HNRNPLL: variants seen among roughly 807,000 people sequenced by gnomAD.
The protein encoded by HNRNPLL is heterogeneous nuclear ribonucleoprotein L like.
In HNRNPLL, 25 loss-of-function variants were observed where a neutral mutation model predicts 67.1. The observed-to-expected ratio is 0.37, with a 90% CI of 0.27 to 0.52. HNRNPLL has a LOEUF of 0.52. Ranked by LOEUF, HNRNPLL falls within the 20% of genes least tolerant of loss-of-function variation. HNRNPLL has a pLI of 0.90. For synonymous variants in HNRNPLL, 267 were observed against 241.7 expected, an observed-to-expected ratio of 1.10 and a Z score of -0.97; for missense variants, 542 against 673.9, an observed-to-expected ratio of 0.80 and a Z score of 2.17.
chr2:38,588,614 T>C (rs991456350), intron 2 of HNRNPLL, among the ~76,000 whole-genome samples: 1 of 148,392 alleles, frequency 6.7e-6, no homozygotes, highest in Non-Finnish European at 1.5e-5. Context: ...CCCAGAAAAG[T>C]AGCATCAATG....
intron 1 of HNRNPLL, chr2:38,601,991 G>C (rs1296339307): frequency 5.5e-6 from 1 of 183,112 alleles, no homozygotes; most frequent in Non-Finnish European, 1.1e-5. Flanking sequence ...GGCGGAGAGA[G>C]CTCCCGGTAG....
intron 4 of HNRNPLL, among the ~76,000 whole-genome samples, chr2:38,583,325 T>C (rs1666608133): frequency 6.6e-6 from 1 of 152,132 alleles, no homozygotes; most frequent in Non-Finnish European, 1.5e-5. Context: ...CATGCACACG[T>C]AGGTTGGGGT....
In HNRNPLL at chr2:38,582,057, GA is replaced by G. The variant is rs770144381; in HGVS notation, c.729+14del. 2 of 1,606,964 alleles carry G rather than the reference GA, an allele frequency of 1.2e-6. No homozygotes were observed. Among genetic ancestry groups the G allele is most frequent in the African/African-American group, 1.3e-5 (1 of 74,704 alleles). ...ATAAATATTTCTTGGGTAGGGTGTT[GA>G]AAAAAATATTTACCCGTGCATATTC... is the stretch of plus-strand genomic sequence containing the variant. On this transcript the variant is annotated intron_variant, in intron 5 of 12. Transcript: ENST00000449105.
At chr2:38,564,761 A>AT (rs1358205466) in intron 12 of HNRNPLL, among the ~76,000 whole-genome samples, 22 of 151,890 alleles carry the variant, frequency 1.4e-4, no homozygotes, top group Middle Eastern at 3.4e-3. Flanking sequence ...CTGGCACTCA[A>AT]TTTTTTTTAG....
chr2:38,577,889 C>T (rs1666361187), intron 6 of HNRNPLL: 2 of 475,942 alleles, frequency 4.2e-6, no homozygotes. Context: ...TTAAAACAAG[C>T]TTTAAGTGCA....
intron 4 of HNRNPLL, 68 bp downstream of exon 4, chr2:38,583,773 T>A (rs553749652): frequency 4.1e-6 from 3 of 728,160 alleles, no homozygotes; most frequent in Non-Finnish European, 6.8e-6. Context: ...TGTCTAGAAA[T>A]GCTTAAGCCA....
intron 8 of HNRNPLL, among the ~76,000 whole-genome samples, chr2:38,572,521 T>C (rs933931085): frequency 1.3e-5 from 2 of 152,134 alleles, no homozygotes; most frequent in Admixed American, 6.6e-5. Flanking sequence ...ACCATTCATT[T>C]TCCTAGTTAA....
intron 2 of HNRNPLL, among the ~76,000 whole-genome samples, chr2:38,586,242 CG>C (rs1666727800): frequency 6.6e-6 from 1 of 152,108 alleles, no homozygotes; most frequent in African/African-American, 2.4e-5. Context: ...AGGATGGTCT[CG>C]ATCTCCTGAC....
chr2:38,591,448 C>T, intron 2 of HNRNPLL, 82 bp downstream of exon 2: 1 of 797,724 alleles, frequency 1.3e-6, no homozygotes, highest in South Asian at 1.4e-5. Flanking sequence ...ATTTACTATG[C>T]TAAACATCAA....
chr2:38,565,891 C>T lies in HNRNPLL; in HGVS notation c.1574-1654G>A, dbSNP rs574836372. On this transcript the variant is annotated intron_variant, in intron 12 of 12. Coordinates refer to ENST00000449105, the MANE Select transcript of HNRNPLL (RefSeq NM_138394.4). ...TTGTCAGTCTTACTTTATCTACCTACCCTTCACACACAGTTTTGAAAGCTA... is the reference window on the plus strand; with the variant it reads ...TTGTCAGTCTTACTTTATCTACCTATCCTTCACACACAGTTTTGAAAGCTA... 7.5e-5 allele frequency: 25 copies of T among 331,900 alleles called. No homozygotes were observed. In the South Asian group the frequency reaches 2.8e-3, roughly 37 times the overall value. The allele number at this position is 331,900 out of a possible 1,614,324, so 20.6% of individuals were successfully genotyped here.
At chr2:38,585,952 G>C (rs1031819176) in intron 2 of HNRNPLL, 71 bp from the exon 3 acceptor site, 2 of 912,838 alleles carry the variant, frequency 2.2e-6, no homozygotes, top group Non-Finnish European at 3.6e-6. Flanking sequence ...CCTCAATTAA[G>C]TAAAAGCAGA....
At chr2:38,595,714 GGCA>G (rs1393213669) in intron 1 of HNRNPLL, among the ~76,000 whole-genome samples, 1 of 152,076 alleles carries the variant, frequency 6.6e-6, no homozygotes, top group African/African-American at 2.4e-5. Context: ...CGTGGTGGCG[GGCA>G]CCTGTAGTCC....
chr2:38,577,932 A>G (rs1386554358), intron 6 of HNRNPLL: 1 of 472,120 alleles, frequency 2.1e-6, no homozygotes, highest in Non-Finnish European at 4.4e-6. Context: ...GAATCATACT[A>G]TTAGCTTCAA....
At chr2:38,581,714 T>C (rs1398585579) in intron 6 of HNRNPLL, 199 bp downstream of exon 6, 8 of 570,792 alleles carry the variant, frequency 1.4e-5, no homozygotes, top group Non-Finnish European at 2.2e-5. Context: ...GAACTAAATA[T>C]AAATAGCTCA....
At chr2:38,586,214 G>C (rs998540204) in intron 2 of HNRNPLL, among the ~76,000 whole-genome samples, 12 of 152,106 alleles carry the variant, frequency 7.9e-5, no homozygotes, top group African/African-American at 1.7e-4. Flanking sequence ...GTAGAGACAG[G>C]GTTTCCCCGT....
chr2:38,588,278 G>A (rs967948675), intron 2 of HNRNPLL, among the ~76,000 whole-genome samples: 10 of 152,066 alleles, frequency 6.6e-5, no homozygotes, highest in African/African-American at 2.4e-4. Flanking sequence ...GGCTAGGCAC[G>A]GTGGCTCATG....
rs1157477046 is a variant in HNRNPLL at position 38,563,217 on chromosome 2, T to C, written c.*965A>G. On this transcript the variant is annotated 3_prime_UTR_variant, in exon 13 of 13. Coordinates refer to ENST00000449105, the MANE Select transcript of HNRNPLL (RefSeq NM_138394.4). Reference sequence around the variant, plus strand: ...GAGAAAGAATGTTTAATAAATGGTATTGAGACAAATAGCTATCTGTTTGGA... The same window carrying C: ...GAGAAAGAATGTTTAATAAATGGTACTGAGACAAATAGCTATCTGTTTGGA... The C allele has an allele frequency of 2.0e-5, 3 of 151,848 alleles. No homozygotes were observed. The highest frequency in any genetic ancestry group is 1.9e-4 in the East Asian group (1 of 5,204). The allele number at this position is 151,848 out of a possible 1,614,324, so 9.4% of individuals were successfully genotyped here.
chr2:38,597,501 C>T lies in HNRNPLL; in HGVS notation c.189+4937G>A, dbSNP rs17022964. Among the ~76,000 whole-genome samples, 1,075 of 152,256 alleles carry T rather than the reference C, an allele frequency of 7.1e-3. 18 individuals are homozygous for T. Among genetic ancestry groups the T allele is most frequent in the African/African-American group, 0.025 (1,027 of 41,532 alleles). Reference sequence around the variant, plus strand: ...CAGCTGTAAATATCATTTTAACCCACGCGATGTTTAATCACATTTTTTCCC... The same window carrying T: ...CAGCTGTAAATATCATTTTAACCCATGCGATGTTTAATCACATTTTTTCCC... On this transcript the variant is annotated intron_variant, in intron 1 of 12. Transcript: ENST00000449105.
At chr2:38,573,485 ATACTT>A (rs1320745996) in intron 7 of HNRNPLL, 58 bp from the exon 8 acceptor site, 30 of 1,130,308 alleles carry the variant, frequency 2.7e-5, no homozygotes, top group Non-Finnish European at 3.8e-5. Context: ...TTGTTTGTAA[ATACTT>A]TAGTAGATAT....
Sources: allele counts gnomAD v4.1 joint callset (sites outside exome capture counted in the v4.1 genomes callset), GRCh38; gene constraint gnomAD v4.1.1; transcripts MANE v1.5; gene names NCBI Gene and HGNC (gene_info 2026-07-23, HGNC 2026-07-21).